Variants in KCNIP4 observed in about 807,000 individuals in gnomAD.
The protein encoded by KCNIP4 is Kv channel-interacting protein 4.
In KCNIP4, 12 loss-of-function variants were observed where a neutral mutation model predicts 34.0. That is an observed-to-expected ratio of 0.35 (90% CI 0.23 to 0.57). KCNIP4 has a LOEUF of 0.57. KCNIP4 is among the 20% of genes least tolerant of loss of function. The pLI, the probability that KCNIP4 is intolerant of heterozygous loss-of-function variation, is 0.83. For synonymous variants in KCNIP4, 124 were observed against 102.2 expected (o/e 1.21, Z -1.29); for missense variants, 238 against 311.7 (o/e 0.76, Z 1.78).
At chr4:21,779,570 C>A (rs1337236230) in intron 1 of KCNIP4, among the ~76,000 whole-genome samples, 1 of 151,986 alleles carries the variant, frequency 6.6e-6, no homozygotes. Context: ...GTCAATTATA[C>A]CCTGATAAAG....
intron 1 of KCNIP4, among the ~76,000 whole-genome samples, chr4:21,904,393 A>G (rs1003289294): frequency 1.3e-5 from 2 of 152,194 alleles, no homozygotes; most frequent in African/African-American, 4.8e-5. Flanking sequence ...ATCCCACAGG[A>G]ACCACTTACA....
intron 1 of KCNIP4, among the ~76,000 whole-genome samples, chr4:21,935,302 A>G (rs1041498066): frequency 3.9e-5 from 6 of 152,058 alleles, no homozygotes; most frequent in African/African-American, 1.4e-4. Context: ...CATTTACATC[A>G]GACAAGAGGA....
chr4:21,746,292 C>T (rs1046638448), intron 1 of KCNIP4, among the ~76,000 whole-genome samples: 1 of 152,024 alleles, frequency 6.6e-6, no homozygotes, highest in African/African-American at 2.4e-5. Context: ...CCATAACAAA[C>T]CATAAACAAT....
chr4:20,960,149 T>TTTC, intron 1 of KCNIP4, among the ~76,000 whole-genome samples: 1 of 152,336 alleles, frequency 6.6e-6, no homozygotes, highest in South Asian at 2.1e-4. Context: ...GAGGAGCACA[T>TTTC]ATGATAAAAG....
chr4:21,019,006 T>C (rs1475927666), intron 1 of KCNIP4, among the ~76,000 whole-genome samples: 1 of 152,146 alleles, frequency 6.6e-6, no homozygotes, highest in African/African-American at 2.4e-5. Flanking sequence ...TTCTCACTCT[T>C]CTAGCAGCTA....
At chr4:20,864,126 A>ACACATGTATGTATACATATCCATGTATG (rs1722556386) in intron 2 of KCNIP4, among the ~76,000 whole-genome samples, 1 of 122,858 alleles carries the variant, frequency 8.1e-6, no homozygotes, top group African/African-American at 2.6e-5. Context: ...ATCCATGTAT[A>ACACATGTATGTATACATATCCATGTATG]CACATGTATG....
chr4:21,396,442 G>A (rs922607245), intron 1 of KCNIP4, among the ~76,000 whole-genome samples: 5 of 151,240 alleles, frequency 3.3e-5, no homozygotes, highest in African/African-American at 1.2e-4. Flanking sequence ...TGTAGTCCCA[G>A]CTGCTCAGGA....
chr4:21,494,653 G>A (rs1287762560), intron 1 of KCNIP4, among the ~76,000 whole-genome samples: 1 of 151,628 alleles, frequency 6.6e-6, no homozygotes, highest in Non-Finnish European at 1.5e-5. Context: ...CATGCCTGTA[G>A]TCCCAGTTAC....
intron 1 of KCNIP4, among the ~76,000 whole-genome samples, chr4:21,797,552 G>A (rs1042129326): frequency 2.6e-5 from 4 of 151,892 alleles, no homozygotes; most frequent in Non-Finnish European, 5.9e-5. Flanking sequence ...CTTATAAAAA[G>A]GTCTCAATTT....
intron 1 of KCNIP4, among the ~76,000 whole-genome samples, chr4:21,912,988 T>C (rs1033073679): frequency 2.0e-5 from 3 of 151,876 alleles, no homozygotes; most frequent in African/African-American, 7.3e-5. Flanking sequence ...GGGGCTATTG[T>C]GGTAATCTAG....
intron 1 of KCNIP4, among the ~76,000 whole-genome samples, chr4:21,508,151 G>A (rs377004020): frequency 3.3e-5 from 5 of 152,082 alleles, no homozygotes; most frequent in African/African-American, 1.2e-4. Context: ...AAACTAACTA[G>A]GAACAATAGG....
intron 1 of KCNIP4, among the ~76,000 whole-genome samples, chr4:21,495,100 T>A (rs916156504): frequency 2.0e-5 from 3 of 152,196 alleles, no homozygotes; most frequent in Admixed American, 2.0e-4. Flanking sequence ...TTATTGACTC[T>A]GAACTCCATA....
chr4:21,312,695 T>G (rs73113172), intron 1 of KCNIP4, among the ~76,000 whole-genome samples: 8,008 of 152,282 alleles, frequency 0.053, 535 homozygotes, highest in East Asian at 0.16. Flanking sequence ...TTTGTTTGTT[T>G]TTATTCAGGT....
intron 1 of KCNIP4, among the ~76,000 whole-genome samples, chr4:21,788,729 A>G (rs953893223): frequency 3.3e-5 from 5 of 152,290 alleles, no homozygotes; most frequent in African/African-American, 9.6e-5. Flanking sequence ...AGCCCCTGAC[A>G]TATTCACAAC....
chr4:21,227,362 G>A (rs1758478676), intron 1 of KCNIP4, among the ~76,000 whole-genome samples: 1 of 152,186 alleles, frequency 6.6e-6, no homozygotes, highest in African/African-American at 2.4e-5. Context: ...GCCCAGAGCA[G>A]GAGCAACAGT....
Position 20,985,238 on chromosome 4 carries a change from C to T in KCNIP4, c.62-102529G>A, listed in dbSNP as rs12505255. Among the ~76,000 whole-genome samples, 1,265 of 152,190 alleles carry T rather than the reference C, an allele frequency of 8.3e-3. 44 individuals carry two copies. The highest frequency in any genetic ancestry group is 0.06 in the Admixed American group (913 of 15,292). ...ACACTTAACCACTCTAATAACAGGT[C>T]CTATTCTATGCAGTCAAGATCATAA... On this transcript the variant is annotated intron_variant, in intron 1 of 8. Transcript: ENST00000382152.
intron 1 of KCNIP4, among the ~76,000 whole-genome samples, chr4:21,791,987 T>C (rs1870449): frequency 0.85 from 109,769 of 129,828 alleles, 49,036 homozygotes; most frequent in Non-Finnish European, 0.97. Flanking sequence ...GGTGACAGAA[T>C]GAGACTCCGT....
chr4:21,303,930 C>A, intron 1 of KCNIP4: 1 of 1,613,044 alleles, frequency 6.2e-7, no homozygotes. Context: ...ATGGTCCGAC[C>A]ACAGCCACTG....
intron 1 of KCNIP4, among the ~76,000 whole-genome samples, chr4:21,403,019 A>G (rs920177490): frequency 6.6e-6 from 1 of 152,128 alleles, no homozygotes; most frequent in African/African-American, 2.4e-5. Flanking sequence ...TGTGGTCTAC[A>G]CCACTCTATT....
Sources: gnomAD v4.1 joint callset for allele counts (sites outside exome capture counted in the v4.1 genomes callset) on GRCh38, gnomAD v4.1.1 for gene constraint, MANE v1.5 for transcripts, NCBI Gene and HGNC (gene_info 2026-07-23, HGNC 2026-07-21) for gene names.